Variants in RPS6KC1 observed in about 807,000 individuals in gnomAD.
The protein encoded by RPS6KC1 is ribosomal protein S6 kinase C1.
RPS6KC1 carries 54 observed loss-of-function variants against 103.8 expected under a neutral mutation model. The observed-to-expected ratio is 0.52, with a 90% CI of 0.42 to 0.65. RPS6KC1 has a LOEUF of 0.65. RPS6KC1 is among the 30% of genes least tolerant of loss of function. The pLI, the probability that RPS6KC1 is intolerant of heterozygous loss-of-function variation, is 0.00. For missense variants in RPS6KC1, 1,151 were observed against 1,253.8 expected (o/e 0.92, Z 1.24); for synonymous variants, 439 against 438.7 (o/e 1.00, Z -0.01).
At chr1:213,602,078 CTCTTTCTTTCTTTCTT>C in the RPS6KC1 span, among the ~76,000 whole-genome samples, 119 of 38,578 alleles carry the variant, frequency 3.1e-3, 18 homozygotes, top group African/African-American at 0.018. Flanking sequence ...TTCTTTCTTT[CTCTTTCTTTCTTTCTT>C]TCTTTCTTTC....
rs1312236302 is a variant in RPS6KC1 at position 213,185,678 on chromosome 1, GTAT to G, written c.1044+9200_1044+9202del. 1.7e-4 allele frequency among the ~76,000 whole-genome samples: 25 copies of G among 151,336 alleles called. 1 individual carries two copies. The highest frequency in any genetic ancestry group is 1.6e-3 in the Admixed American group (24 of 15,188). ...AAAAGAAAAAAAAAATTTAAATTCA[GTAT>G]TATTATTATTATTGATAAGTAAGGA... is the stretch of plus-strand genomic sequence containing the variant. On this transcript the variant is annotated intron_variant, in intron 8 of 14. Coordinates refer to ENST00000366960, the MANE Select transcript of RPS6KC1 (RefSeq NM_012424.6).
chr1:213,099,699 C>G (rs2081837850), intron 3 of RPS6KC1, among the ~76,000 whole-genome samples: 1 of 152,240 alleles, frequency 6.6e-6, no homozygotes. Flanking sequence ...ACTTTTTCTA[C>G]TATATATTAG....
At chr1:213,325,773 G>A in the RPS6KC1 span, among the ~76,000 whole-genome samples, 2 of 152,232 alleles carry the variant, frequency 1.3e-5, no homozygotes, top group African/African-American at 2.4e-5. Context: ...TGACCTGGGA[G>A]ACAGGCATGT....
the RPS6KC1 span, among the ~76,000 whole-genome samples, chr1:213,842,925 T>C: frequency 6.6e-6 from 1 of 152,206 alleles, no homozygotes; most frequent in East Asian, 1.9e-4. Flanking sequence ...GTTCTCCAGA[T>C]AAACAGCTCC....
chr1:213,473,341 G>T, the RPS6KC1 span, among the ~76,000 whole-genome samples: 31,283 of 152,146 alleles, frequency 0.21, 3,455 homozygotes, highest in Non-Finnish European at 0.23. Flanking sequence ...AGTGGACAGG[G>T]ATCTTTTCCA....
rs774354516 is a variant in RPS6KC1, at chr1:213,225,850, A to ATGTGT, written c.1045-4647_1045-4646insTGTGT. ...TGGTTATACAGCTTCCATGCCTTTT[A>ATGTGT]CCTAGTGAGATGTGTTCTACTTTAT... On this transcript the variant is annotated intron_variant, in intron 8 of 14. Transcript: ENST00000366960. 4.9e-3 allele frequency among the ~76,000 whole-genome samples: 748 copies of ATGTGT among 152,272 alleles called. 4 individuals are homozygous for ATGTGT. The highest frequency in any genetic ancestry group is 0.015 in the African/African-American group (612 of 41,540).
At chr1:213,109,976 A>G (rs1311479698) in intron 4 of RPS6KC1, among the ~76,000 whole-genome samples, 2 of 152,178 alleles carry the variant, frequency 1.3e-5, no homozygotes, top group Admixed American at 6.5e-5. Flanking sequence ...ATATGAATAT[A>G]CCACATTTTG....
the RPS6KC1 span, among the ~76,000 whole-genome samples, chr1:213,509,853 C>A: frequency 6.8e-6 from 1 of 147,470 alleles, no homozygotes; most frequent in African/African-American, 2.5e-5. Flanking sequence ...ATTTTTATCT[C>A]TTTTATTATG....
At chr1:213,183,187 T>C (rs999615034) in intron 8 of RPS6KC1, among the ~76,000 whole-genome samples, 2 of 151,974 alleles carry the variant, frequency 1.3e-5, no homozygotes, top group African/African-American at 4.8e-5. Flanking sequence ...CAAAAGCTGA[T>C]AGAAAGTGAA....
chr1:213,496,180 A>G, the RPS6KC1 span, among the ~76,000 whole-genome samples: 2 of 152,216 alleles, frequency 1.3e-5, no homozygotes, highest in African/African-American at 4.8e-5. Flanking sequence ...GACCAAAATA[A>G]GAAAACAAAA....
the RPS6KC1 span, among the ~76,000 whole-genome samples, chr1:213,493,291 G>T: frequency 6.6e-6 from 1 of 152,194 alleles, no homozygotes; most frequent in African/African-American, 2.4e-5. Flanking sequence ...GGAAAGTTAA[G>T]TCAGGATCCC....
chr1:213,561,163 G>A, the RPS6KC1 span, among the ~76,000 whole-genome samples: 1 of 152,178 alleles, frequency 6.6e-6, no homozygotes, highest in Non-Finnish European at 1.5e-5. Context: ...ATCTGCTAAA[G>A]CAGTGTTTCT....
At chr1:213,071,463 G>A (rs1294054020) in intron 2 of RPS6KC1, among the ~76,000 whole-genome samples, 2 of 152,086 alleles carry the variant, frequency 1.3e-5, no homozygotes, top group African/African-American at 4.8e-5. Context: ...CGTGAAGATT[G>A]TCTTCATTTC....
the RPS6KC1 span, among the ~76,000 whole-genome samples, chr1:213,710,578 G>A: frequency 1.3e-5 from 2 of 151,954 alleles, no homozygotes; most frequent in African/African-American, 4.8e-5. Flanking sequence ...TGGTTATTTT[G>A]CCCATTAGTT....
the RPS6KC1 span, among the ~76,000 whole-genome samples, chr1:213,747,091 G>C: frequency 1.3e-5 from 2 of 152,084 alleles, no homozygotes; most frequent in Non-Finnish European, 2.9e-5. Flanking sequence ...AAGGGAATAG[G>C]ACCCTGGGCA....
the RPS6KC1 span, among the ~76,000 whole-genome samples, chr1:213,301,373 A>G: frequency 6.6e-6 from 1 of 152,198 alleles, no homozygotes; most frequent in Non-Finnish European, 1.5e-5. Context: ...TTCGCTGTAA[A>G]TTACACATTA....
At chr1:213,344,840 T>C in the RPS6KC1 span, among the ~76,000 whole-genome samples, 31,839 of 152,184 alleles carry the variant, frequency 0.21, 3,471 homozygotes, top group South Asian at 0.25. Flanking sequence ...CACCTATGCT[T>C]GTTTTTTATA....
the RPS6KC1 span, among the ~76,000 whole-genome samples, chr1:213,767,209 T>G: frequency 6.6e-6 from 1 of 152,222 alleles, no homozygotes; most frequent in African/African-American, 2.4e-5. Context: ...GTCAAAACCC[T>G]TCGCTATCTC....
chr1:213,499,540 G>T, the RPS6KC1 span, among the ~76,000 whole-genome samples: 1 of 152,190 alleles, frequency 6.6e-6, no homozygotes, highest in Admixed American at 6.5e-5. Flanking sequence ...TCACAATAGT[G>T]TTCTGTGCTC....
Sources: gnomAD v4.1 joint callset for allele counts (sites outside exome capture counted in the v4.1 genomes callset) on GRCh38, gnomAD v4.1.1 for gene constraint, MANE v1.5 for transcripts, NCBI Gene and HGNC (gene_info 2026-07-23, HGNC 2026-07-21) for gene names.